Variants in PANX1 observed in about 807,000 individuals in gnomAD.
PANX1 encodes pannexin 1, also known as pannexin-1.
In PANX1, 30 loss-of-function variants were observed where a neutral mutation model predicts 38.7. The ratio of observed to expected loss-of-function variants is 0.78; its 90% CI spans 0.58 to 1.05. The LOEUF (loss-of-function observed/expected upper bound fraction) is 1.05. PANX1 is among the 50% of genes least tolerant of loss of function. The pLI is 0.00. For missense variants in PANX1, 551 were observed against 517.2 expected (o/e 1.07, Z -0.63); for synonymous variants, 230 against 212.2 (o/e 1.08, Z -0.73).
At chr11:94,175,855 C>A (rs1041789755) in intron 2 of PANX1, 1 of 984,572 alleles carries the variant, frequency 1.0e-6, no homozygotes, top group Admixed American at 6.2e-5. Flanking sequence ...CACCTCATCC[C>A]GTGCCAGAAT....
chr11:94,170,103 C>T (rs1460333257), intron 2 of PANX1, among the ~76,000 whole-genome samples: 1 of 151,570 alleles, frequency 6.6e-6, no homozygotes, highest in Non-Finnish European at 1.5e-5. Context: ...AGGTATATAG[C>T]CCAGTGGCAT....
At chr11:94,134,731 C>T (rs924576751) in intron 1 of PANX1, among the ~76,000 whole-genome samples, 3 of 150,700 alleles carry the variant, frequency 2.0e-5, no homozygotes, top group Non-Finnish European at 3.0e-5. Flanking sequence ...CTTCCCTCTT[C>T]CTCTCTCCAC....
At chr11:94,161,036 A>T (rs1413357686) in intron 2 of PANX1, among the ~76,000 whole-genome samples, 3 of 152,178 alleles carry the variant, frequency 2.0e-5, no homozygotes, top group Non-Finnish European at 4.4e-5. Context: ...TTTCTTTAAG[A>T]ATGTTGAATA....
intron 1 of PANX1, among the ~76,000 whole-genome samples, chr11:94,148,394 A>T (rs1946850077): frequency 6.6e-6 from 1 of 152,216 alleles, no homozygotes; most frequent in Admixed American, 6.5e-5. Context: ...CCTTCGGGGC[A>T]AACGTCATTT....
rs1224516885 is a variant in PANX1 at position 94,178,560 on chromosome 11, A to G, written c.513A>G (p.Ser171=). The G allele has an allele frequency of 6.2e-7, 1 of 1,614,094 alleles. No homozygotes were observed. Among genetic ancestry groups the G allele is most frequent in the Non-Finnish European group, 8.5e-7 (1 of 1,179,960 alleles). ...TTGACATGAGAGATGGAGCCTGCTCAGTTCCAGGTGTTACCGAGAACTTAG... is the reference window on the plus strand; with the variant it reads ...TTGACATGAGAGATGGAGCCTGCTCGGTTCCAGGTGTTACCGAGAACTTAG... ...RDLDMRDGAC[S]VPGVTENLGQ... is the part of the protein sequence containing the mutation. Residue 171 remains serine (S), a synonymous_variant, in exon 3 of 5, where the codon TCA becomes TCG. Transcript: ENST00000227638.
At chr11:94,175,751 C>CTA in intron 2 of PANX1, 1 of 984,750 alleles carries the variant, frequency 1.0e-6, no homozygotes, top group Non-Finnish European at 1.2e-6. Flanking sequence ...CCACAGCCAG[C>CTA]TATGAATTAT....
chr11:94,147,089 G>A (rs1236776177), intron 1 of PANX1, among the ~76,000 whole-genome samples: 1 of 152,108 alleles, frequency 6.6e-6, no homozygotes, highest in Non-Finnish European at 1.5e-5. Flanking sequence ...TCTAAGTGCT[G>A]GGTATATCAG....
chr11:94,170,096 T>TA (rs1947147980), intron 2 of PANX1, among the ~76,000 whole-genome samples: 1 of 151,770 alleles, frequency 6.6e-6, no homozygotes, highest in African/African-American at 2.4e-5. Flanking sequence ...TCTTTGTAGG[T>TA]ATATAGCCCA....
At chr11:94,130,259 G>A (rs1417305206) in intron 1 of PANX1, among the ~76,000 whole-genome samples, 1 of 152,226 alleles carries the variant, frequency 6.6e-6, no homozygotes, top group Non-Finnish European at 1.5e-5. Context: ...TTCTGTGGCA[G>A]GGGAAGAGAG....
intron 1 of PANX1, among the ~76,000 whole-genome samples, chr11:94,136,114 G>A (rs562662633): frequency 2.0e-5 from 3 of 152,094 alleles, no homozygotes; most frequent in African/African-American, 4.8e-5. Context: ...GAGACTAGTC[G>A]CAGCAGTATC....
rs138405181 is a variant in PANX1, at chr11:94,174,457, A to G, written c.322-3912A>G. On this transcript the variant is annotated intron_variant, in intron 2 of 4. Coordinates refer to ENST00000227638, the MANE Select transcript of PANX1 (RefSeq NM_015368.4). ...GAGTCTTAACATAAGGCTTTGTTTT[A>G]TTTTATTGCCGCACTGTACTTTAAG... 2.5e-4 allele frequency among the ~76,000 whole-genome samples: 38 copies of G among 151,688 alleles called. 1 individual carries two copies. The East Asian group carries it at 7.3e-3, about 29-fold the overall frequency.
chr11:94,178,556 G>A lies in PANX1; in HGVS notation c.509G>A (p.Cys170Tyr). The A allele has an allele frequency of 1.2e-6, 2 of 1,614,068 alleles. No homozygotes were observed. Among genetic ancestry groups the A allele is most frequent in the Non-Finnish European group, 1.7e-6 (2 of 1,179,960 alleles). ...GACCTTGACATGAGAGATGGAGCCT[G>A]CTCAGTTCCAGGTGTTACCGAGAAC... ...ARDLDMRDGACSVPGVTENLG... is the reference protein window; with the variant it reads ...ARDLDMRDGAYSVPGVTENLG... The change falls in exon 3 of 5, where the codon TGC becomes TAC. Residue 170 changes from cysteine to tyrosine, a missense_variant. Cys to Tyr is a radical substitution (Grantham distance 194). Coordinates refer to ENST00000227638, the MANE Select transcript of PANX1 (RefSeq NM_015368.4).
chr11:94,167,379 C>A (rs1211124389), intron 2 of PANX1, among the ~76,000 whole-genome samples: 1 of 152,084 alleles, frequency 6.6e-6, no homozygotes, highest in Non-Finnish European at 1.5e-5. Context: ...TACTTTATAT[C>A]TTTTTATATT....
At chr11:94,162,050 A>G (rs2134505660) in intron 2 of PANX1, among the ~76,000 whole-genome samples, 1 of 152,306 alleles carries the variant, frequency 6.6e-6, no homozygotes, top group Middle Eastern at 3.4e-3. Flanking sequence ...GGTGAGCAGC[A>G]AATGTTGCTG....
intron 2 of PANX1, among the ~76,000 whole-genome samples, chr11:94,160,334 G>C (rs543592531): frequency 1.1e-4 from 16 of 152,290 alleles, no homozygotes; most frequent in African/African-American, 3.8e-4. Context: ...AGGTGTTAAA[G>C]TCTCCCATTA....
At chr11:94,169,013 A>G (rs1947134212) in intron 2 of PANX1, among the ~76,000 whole-genome samples, 1 of 151,744 alleles carries the variant, frequency 6.6e-6, no homozygotes. Flanking sequence ...AGGAAAATCA[A>G]AGAGTTCTGC....
intron 2 of PANX1, among the ~76,000 whole-genome samples, chr11:94,174,445 AG>A (rs768625362): frequency 2.0e-4 from 30 of 151,708 alleles, no homozygotes; most frequent in Non-Finnish European, 2.5e-4. Flanking sequence ...TCTTAACATA[AG>A]GCTTTGTTTT....
chr11:94,164,989 G>T (rs1354669258), intron 2 of PANX1, among the ~76,000 whole-genome samples: 1 of 152,082 alleles, frequency 6.6e-6, no homozygotes, highest in African/African-American at 2.4e-5. Flanking sequence ...TACATGTATA[G>T]CTATTCCCGC....
At position 94,178,501 on chromosome 11, in the gene PANX1, C is replaced by T. The variant is rs111535626; in HGVS notation, c.454C>T (p.Arg152Cys). The T allele has an allele frequency of 2.3e-5, 37 of 1,614,052 alleles. No homozygotes were observed. Among genetic ancestry groups the T allele is most frequent in the East Asian group, 8.9e-5 (4 of 44,862 alleles). The part of the protein sequence containing the change: ...IMEELDKVYN[R>C]AIKAAKSARD... ...GGAAGAACTTGACAAAGTTTACAACCGTGCAATTAAGGCTGCAAAGAGTGC... is the reference window on the plus strand; with the variant it reads ...GGAAGAACTTGACAAAGTTTACAACTGTGCAATTAAGGCTGCAAAGAGTGC... Residue 152 changes from arginine (R) to cysteine (C), a missense_variant, in exon 3 of 5, where the codon CGT (arginine) becomes TGT (cysteine). Physicochemically the swap from Arg to Cys is radical, Grantham distance 180 (BLOSUM62 -3). Transcript: ENST00000227638.
Sources: gnomAD v4.1 joint callset for allele counts (sites outside exome capture counted in the v4.1 genomes callset) on GRCh38, gnomAD v4.1.1 for gene constraint, MANE v1.5 for transcripts, NCBI Gene and HGNC (gene_info 2026-07-23, HGNC 2026-07-21) for gene names.